ANKRD16: variants seen among roughly 807,000 people sequenced by gnomAD.
The protein encoded by ANKRD16 is ankyrin repeat domain-containing protein 16.
ANKRD16 carries 35 observed loss-of-function variants against 37.9 expected under a neutral mutation model. The observed-to-expected ratio is 0.92, with a 90% CI of 0.71 to 1.23. The LOEUF (loss-of-function observed/expected upper bound fraction) is 1.23. Among genes scored for constraint, ANKRD16 ranks in the 50% most tolerant of loss-of-function variants. The pLI is 0.00. For missense variants in ANKRD16, 480 were observed against 469.9 expected (o/e 1.02, Z -0.20); for synonymous variants, 206 against 197.2 (o/e 1.04, Z -0.37).
chr10:5,873,007 GCC>G (rs1402723488), intron 7 of ANKRD16, among the ~76,000 whole-genome samples: 32 of 140,730 alleles, frequency 2.3e-4, no homozygotes, highest in African/African-American at 7.8e-4. Context: ...CTACAGGTGT[GCC>G]CCACCACACC....
intron 3 of ANKRD16, among the ~76,000 whole-genome samples, chr10:5,884,934 A>G (rs1437847973): frequency 6.6e-6 from 1 of 152,032 alleles, no homozygotes; most frequent in Non-Finnish European, 1.5e-5. Context: ...GCTTTCAGCT[A>G]ATTTCTTTTT....
At chr10:5,872,702 GCC>G (rs1842115976) in intron 7 of ANKRD16, among the ~76,000 whole-genome samples, 4 of 150,262 alleles carry the variant, frequency 2.7e-5, no homozygotes, top group Non-Finnish European at 4.4e-5. Context: ...GACTACAGGC[GCC>G]CGCCACCACA....
intron 7 of ANKRD16, among the ~76,000 whole-genome samples, chr10:5,867,394 A>G (rs1842031487): frequency 6.6e-6 from 1 of 152,226 alleles, no homozygotes; most frequent in Non-Finnish European, 1.5e-5. Flanking sequence ...AGTTAGGAAA[A>G]TTGCCTAATA....
At position 5,869,519 on chromosome 10, in the gene ANKRD16, T is replaced by C. The variant is rs1400939499; in HGVS notation, c.*34-6828A>G. ...AACTCGTCAGACCTCCCATACCACA[T>C]CCTCACTCTCAGCTGATCACCTGCT... On this transcript the variant is annotated intron_variant, in intron 7 of 7. Coordinates refer to ENST00000380094, the MANE Select transcript of ANKRD16 (RefSeq NM_019046.3). This position sits in a 1 kb window ranked among gnomAD's most constrained non-coding sequence, Gnocchi z 4.0. Among the ~76,000 whole-genome samples the C allele has an allele frequency of 6.6e-6, 1 of 151,864 alleles. No homozygotes were observed. The highest frequency in any genetic ancestry group is 1.5e-5 in the Non-Finnish European group (1 of 67,964).
intron 5 of ANKRD16, among the ~76,000 whole-genome samples, chr10:5,881,438 TTA>T (rs869185709): frequency 0.014 from 732 of 50,870 alleles, 6 homozygotes; most frequent in Middle Eastern, 0.061. Context: ...AAAATATTAT[TTA>T]TATATATATA....
chr10:5,876,962 T>G (rs527313913), intron 7 of ANKRD16, among the ~76,000 whole-genome samples: 2 of 152,346 alleles, frequency 1.3e-5, no homozygotes, highest in East Asian at 3.8e-4. Flanking sequence ...GCTATAATAT[T>G]TTTTAAAGCT....
chr10:5,888,068 CT>C lies in ANKRD16; in HGVS notation c.315-2del. 1 of 1,613,434 alleles carries C rather than the reference CT, an allele frequency of 6.2e-7. No homozygotes were observed. The highest frequency in any genetic ancestry group is 8.5e-7 in the Non-Finnish European group (1 of 1,179,502). ...TGTGCAGGCCATCATCAGAGGAGTC[CT>C]AAGGCCAACCAGGAGAAGCTGTCAG... is the stretch of plus-strand genomic sequence containing the variant. On this transcript the variant is annotated splice_acceptor_variant, in intron 1 of 7. Transcript: ENST00000380094. LOFTEE classifies it high-confidence loss of function.
intron 5 of ANKRD16, among the ~76,000 whole-genome samples, chr10:5,881,612 G>A (rs997129894): frequency 6.7e-6 from 1 of 149,552 alleles, no homozygotes; most frequent in Admixed American, 6.7e-5. Context: ...CTAGTGGCAT[G>A]TGTCACCACC....
At position 5,889,855 on chromosome 10, in the gene ANKRD16, A is replaced by G. The variant is rs1043292239; in HGVS notation, c.-501T>C. 10 of 156,764 alleles carry G rather than the reference A, an allele frequency of 6.4e-5. No homozygotes were observed. The highest frequency in any genetic ancestry group is 2.4e-4 in the African/African-American group (10 of 41,480). The allele number at this position is 156,764 out of a possible 1,614,324, so 9.7% of individuals were successfully genotyped here. ...GGTGGCTCCTGAGGCAGCCAGGCCCAAGCGTGACCTGCCCCGCACGCGTCC... is the reference window on the plus strand; with the variant it reads ...GGTGGCTCCTGAGGCAGCCAGGCCCGAGCGTGACCTGCCCCGCACGCGTCC... On this transcript the variant is annotated 5_prime_UTR_variant, in exon 1 of 8. Coordinates refer to ENST00000380094, the MANE Select transcript of ANKRD16 (RefSeq NM_019046.3).
Position 5,887,864 on chromosome 10 carries a change from G to A in ANKRD16, c.518C>T (p.Thr173Ile), listed in dbSNP as rs1416753315. ...AWKTESKIRR[T>I]PLHTAAMHGH... is the part of the protein sequence containing the mutation. ...GGCTGTACCTGCAGTATGCAGAGGA[G>A]TCCTTCTAATTTTGCTCTCTGTCTT... The change falls in exon 2 of 8, where the codon ACT becomes ATT. Residue 173 changes from threonine to isoleucine, a missense_variant. Physicochemically the swap from Thr to Ile is moderately conservative, Grantham distance 89. Coordinates refer to ENST00000380094, the MANE Select transcript of ANKRD16 (RefSeq NM_019046.3). 1.2e-6 allele frequency: 2 copies of A among 1,613,750 alleles called. No homozygotes were observed. The highest frequency in any genetic ancestry group is 8.5e-7 in the Non-Finnish European group (1 of 1,179,944).
chr10:5,881,164 A>G, intron 5 of ANKRD16: 1 of 756,508 alleles, frequency 1.3e-6, no homozygotes. Context: ...TTAAATAAAT[A>G]TTTTGGTGAC....
chr10:5,869,039 A>G lies in ANKRD16; in HGVS notation c.*34-6348T>C, dbSNP rs1842053792. Among the ~76,000 whole-genome samples, 1 of 152,080 alleles carries G rather than the reference A, an allele frequency of 6.6e-6. No individual in the cohort carries two copies. The highest frequency in any genetic ancestry group is 2.4e-5 in the African/African-American group (1 of 41,414). ...TGGCTTTGAATGTGGCCCAACACAA[A>G]TTTGTAAATTTTCTTAAAACATTGA... On this transcript the variant is annotated intron_variant, in intron 7 of 7. Coordinates refer to ENST00000380094, the MANE Select transcript of ANKRD16 (RefSeq NM_019046.3). This position sits in a 1 kb window ranked among gnomAD's most constrained non-coding sequence, Gnocchi z 4.0.
intron 5 of ANKRD16, among the ~76,000 whole-genome samples, chr10:5,881,405 TA>T (rs1353082686): frequency 4.0e-4 from 57 of 141,258 alleles, no homozygotes; most frequent in Admixed American, 6.0e-4. Context: ...TAGGAATTAT[TA>T]TAATAAATAT....
intron 7 of ANKRD16, among the ~76,000 whole-genome samples, chr10:5,873,177 A>C (rs1242870263): frequency 2.6e-5 from 4 of 152,122 alleles, no homozygotes; most frequent in East Asian, 3.9e-4. Context: ...CTACAGTCGC[A>C]TGCCACCATG....
chr10:5,886,421 T>A (rs1055548752), intron 2 of ANKRD16, among the ~76,000 whole-genome samples: 1 of 152,172 alleles, frequency 6.6e-6, no homozygotes, highest in Non-Finnish European at 1.5e-5. Context: ...GGAAACCCCA[T>A]CTCTACTAAA....
intron 2 of ANKRD16, among the ~76,000 whole-genome samples, chr10:5,886,864 G>A (rs1842431710): frequency 6.6e-6 from 1 of 152,144 alleles, no homozygotes; most frequent in African/African-American, 2.4e-5. Context: ...ATAATTCAGA[G>A]TTAAGAGTCA....
At position 5,874,138 on chromosome 10, in the gene ANKRD16, C is replaced by T. The variant is rs1189955939; in HGVS notation, c.*33+3959G>A. Among the ~76,000 whole-genome samples, 1 of 152,184 alleles carries T rather than the reference C, an allele frequency of 6.6e-6. No individual in the cohort carries two copies. Among genetic ancestry groups the T allele is most frequent in the Non-Finnish European group, 1.5e-5 (1 of 68,042 alleles). ...TCTCCTGACCTTGTGATCTGCCTGC[C>T]TCAGCCTCCCATAATACTGGGACTA... On this transcript the variant is annotated intron_variant, in intron 7 of 7. Coordinates refer to ENST00000380094, the MANE Select transcript of ANKRD16 (RefSeq NM_019046.3). The surrounding 1 kb of genome is among the most constrained non-coding windows in gnomAD (Gnocchi z 4.7).
chr10:5,872,351 C>T (rs903357838), intron 7 of ANKRD16, among the ~76,000 whole-genome samples: 1 of 151,446 alleles, frequency 6.6e-6, no homozygotes, highest in African/African-American at 2.4e-5. Context: ...TGGTGGAGGG[C>T]GCCTGTAATC....
rs748788476 is a variant in ANKRD16 at position 5,863,850 on chromosome 10, A to C, written c.*34-1159T>G. Among the ~76,000 whole-genome samples, 1 of 152,148 alleles carries C rather than the reference A, an allele frequency of 6.6e-6. No homozygotes were observed. The highest frequency in any genetic ancestry group is 1.5e-5 in the Non-Finnish European group (1 of 68,032). ...GCGAGGTCCACGGCTTCATTGTTGA[A>C]GTCAGTGAGACCAAGAACGCACCAG... On this transcript the variant is annotated intron_variant, in intron 7 of 7. Coordinates refer to ENST00000380094, the MANE Select transcript of ANKRD16 (RefSeq NM_019046.3). This position sits in a 1 kb window ranked among gnomAD's most constrained non-coding sequence, Gnocchi z 4.7.
Sources: gnomAD v4.1 joint callset for allele counts (sites outside exome capture counted in the v4.1 genomes callset) on GRCh38, gnomAD v4.1.1 for gene constraint, Gnocchi (gnomAD v3.1) non-coding constraint, MANE v1.5 for transcripts, NCBI Gene and HGNC (gene_info 2026-07-23, HGNC 2026-07-21) for gene names.